The following SYNJ1 variants were observed in gnomAD, a reference collection of about 807,000 sequenced individuals.
SYNJ1 encodes the protein synaptojanin 1.
A neutral mutation model predicts 168.2 loss-of-function variants in SYNJ1; 78 were observed. That is an observed-to-expected ratio of 0.46 (90% CI 0.39 to 0.56). The LOEUF (loss-of-function observed/expected upper bound fraction) is 0.56. SYNJ1 is among the 20% of genes least tolerant of loss of function. The pLI is 0.00. For missense variants in SYNJ1, 1,303 were observed against 1,597.6 expected, an observed-to-expected ratio of 0.82 and a Z score of 3.14; for synonymous variants, 539 against 548.6, an observed-to-expected ratio of 0.98 and a Z score of 0.24.
chr21:32,631,848 A>C, intron 32 of SYNJ1, 47 bp from the exon 33 acceptor site: 1 of 1,482,468 alleles, frequency 6.7e-7, no homozygotes, highest in East Asian at 2.3e-5. Flanking sequence ...ATTTACTCTT[A>C]ATACCCCCTA....
At chr21:32,672,077 A>G (rs1013749596) in intron 14 of SYNJ1, among the ~76,000 whole-genome samples, 6 of 148,456 alleles carry the variant, frequency 4.0e-5, no homozygotes, top group Non-Finnish European at 7.5e-5. Flanking sequence ...AAAAAAAAAA[A>G]AAAAAAAGAA....
chr21:32,631,085 A>G lies in SYNJ1; in HGVS notation c.*720T>C, dbSNP rs1016040846. 3 of 1,614,058 alleles carry G rather than the reference A, an allele frequency of 1.9e-6. No homozygotes were observed. The African/African-American group carries it at 4.0e-5, about 22-fold the overall frequency. The stretch of plus-strand genomic sequence containing the variant: ...GAGGGCTGGTGCCGGGCGGGAGCAG[A>G]GGGACAGGAGGTGGAGGAGGTCTTC... On this transcript the variant is annotated 3_prime_UTR_variant, in exon 33 of 33. Transcript: ENST00000674351.
intron 21 of SYNJ1, among the ~76,000 whole-genome samples, chr21:32,656,214 T>C (rs1422793951): frequency 6.6e-6 from 1 of 152,180 alleles, no homozygotes; most frequent in East Asian, 1.9e-4. Context: ...GGCAGATCGC[T>C]TAAGGCCAGG....
intron 13 of SYNJ1, among the ~76,000 whole-genome samples, chr21:32,673,796 C>T (rs570501992): frequency 1.3e-5 from 2 of 149,520 alleles, no homozygotes; most frequent in South Asian, 2.1e-4. Flanking sequence ...ACTACACATA[C>T]AGAATTATTG....
At chr21:32,727,746 C>A in intron 1 of SYNJ1, 200 bp downstream of exon 1, 1 of 1,215,262 alleles carries the variant, frequency 8.2e-7, no homozygotes, top group Non-Finnish European at 1.1e-6. Flanking sequence ...CACCACAGCC[C>A]CCAGCCTGAC....
intron 13 of SYNJ1, 49 bp from the exon 14 acceptor site, chr21:32,673,580 T>C (rs540971201): frequency 6.8e-7 from 1 of 1,479,582 alleles, no homozygotes; most frequent in East Asian, 2.4e-5. Context: ...AAACCATTTA[T>C]AAAAATTGAT....
chr21:32,724,238 A>G (rs532075560), intron 2 of SYNJ1, among the ~76,000 whole-genome samples: 3 of 152,242 alleles, frequency 2.0e-5, no homozygotes, highest in Non-Finnish European at 4.4e-5. Context: ...CTGTAATCCC[A>G]GCACTTTGGG....
At chr21:32,721,792 T>C (rs1360699491) in intron 2 of SYNJ1, among the ~76,000 whole-genome samples, 2 of 152,216 alleles carry the variant, frequency 1.3e-5, no homozygotes, top group African/African-American at 4.8e-5. Flanking sequence ...AATAATGTGG[T>C]TAACAGTTAT....
chr21:32,668,906 G>T (rs932172723), intron 15 of SYNJ1, among the ~76,000 whole-genome samples: 13 of 151,980 alleles, frequency 8.6e-5, no homozygotes, highest in South Asian at 2.1e-4. Flanking sequence ...AGCAACAATG[G>T]GTAAAAGTGC....
At chr21:32,643,071 G>C (rs1034624678) in intron 27 of SYNJ1, among the ~76,000 whole-genome samples, 6 of 152,076 alleles carry the variant, frequency 3.9e-5, no homozygotes, top group African/African-American at 1.4e-4. Flanking sequence ...GATTAGTAAA[G>C]TACATTTCTA....
At chr21:32,672,753 T>C (rs1309778225) in intron 14 of SYNJ1, among the ~76,000 whole-genome samples, 2 of 152,198 alleles carry the variant, frequency 1.3e-5, no homozygotes, top group Admixed American at 6.5e-5. Context: ...GATAAACCAG[T>C]GCTCTTAAGT....
At chr21:32,659,992 G>A (rs181617398) in intron 18 of SYNJ1, among the ~76,000 whole-genome samples, 51 of 152,302 alleles carry the variant, frequency 3.3e-4, no homozygotes, top group African/African-American at 1.1e-3. Flanking sequence ...CCGGTCGAAC[G>A]CCTCACCACA....
At chr21:32,714,334 A>C (rs146634977) in intron 2 of SYNJ1, among the ~76,000 whole-genome samples, 1 of 152,316 alleles carries the variant, frequency 6.6e-6, no homozygotes, top group East Asian at 1.9e-4. Context: ...ACTGAAGAGT[A>C]TTAGGCAGGG....
Position 32,639,132 on chromosome 21 carries a change from A to T in SYNJ1, c.3698-7T>A, listed in dbSNP as rs2039712414. ...TCAGGAAGGAAAGTTGAACCTAAAA[A>T]ACCAGTGGTTGTCAGATGTTAGGTA... On this transcript the variant is annotated splice_region_variant and splice_polypyrimidine_tract_variant and intron_variant, in intron 30 of 32. Coordinates refer to ENST00000674351, the MANE Select transcript of SYNJ1 (RefSeq NM_203446.3). The T allele has an allele frequency of 1.2e-6, 2 of 1,608,678 alleles. No homozygotes were observed. Among genetic ancestry groups the T allele is most frequent in the South Asian group, 1.1e-5 (1 of 90,842 alleles).
intron 23 of SYNJ1, among the ~76,000 whole-genome samples, chr21:32,647,821 T>C (rs1049901379): frequency 2.6e-5 from 4 of 152,194 alleles, no homozygotes; most frequent in Non-Finnish European, 5.9e-5. Context: ...GCAGTCACAT[T>C]TGAAATTATG....
At chr21:32,718,297 T>G (rs577495538) in intron 2 of SYNJ1, among the ~76,000 whole-genome samples, 32 of 152,322 alleles carry the variant, frequency 2.1e-4, no homozygotes, top group African/African-American at 7.7e-4. Flanking sequence ...AAGAACTAAC[T>G]ACTGGTTTGA....
At chr21:32,686,461 TAA>T (rs2041841143) in intron 8 of SYNJ1, among the ~76,000 whole-genome samples, 1 of 152,204 alleles carries the variant, frequency 6.6e-6, no homozygotes, top group Non-Finnish European at 1.5e-5. Flanking sequence ...ATTAATTCAA[TAA>T]GTGTTCATTA....
intron 2 of SYNJ1, among the ~76,000 whole-genome samples, chr21:32,725,076 AG>A (rs1363195228): frequency 6.6e-6 from 1 of 152,230 alleles, no homozygotes; most frequent in Non-Finnish European, 1.5e-5. Flanking sequence ...TATTATTCTT[AG>A]GTTTCCTAAC....
At chr21:32,727,834 C>T in intron 1 of SYNJ1, 112 bp downstream of exon 1, 2 of 1,491,352 alleles carry the variant, frequency 1.3e-6, no homozygotes, top group South Asian at 1.3e-5. Flanking sequence ...GGTCGCCCCT[C>T]ACCGCTCCCG....
Sources: gnomAD v4.1 joint callset for allele counts (sites outside exome capture counted in the v4.1 genomes callset) on GRCh38, gnomAD v4.1.1 for gene constraint, MANE v1.5 for transcripts, NCBI Gene and HGNC (gene_info 2026-07-23, HGNC 2026-07-21) for gene names.